Variants in ROCK1 observed in about 807,000 individuals in gnomAD.
The protein encoded by ROCK1 is Rho associated coiled-coil containing protein kinase 1.
A neutral mutation model predicts 196.8 loss-of-function variants in ROCK1; 36 were observed. The observed-to-expected ratio is 0.18, with a 90% CI of 0.14 to 0.24. The LOEUF (loss-of-function observed/expected upper bound fraction) is 0.24, where lower values mean the gene tolerates loss of function less well. ROCK1 is among the 10% of genes least tolerant of loss of function. ROCK1 has a pLI of 1.00. For synonymous variants in ROCK1, 443 were observed against 515.9 expected (o/e 0.86, Z 1.91); for missense variants, 920 against 1,562.0 (o/e 0.59, Z 6.93).
At chr18:21,041,915 AG>A (rs2036110434) in intron 8 of ROCK1, among the ~76,000 whole-genome samples, 181 bp downstream of exon 8, 1 of 152,000 alleles carries the variant, frequency 6.6e-6, no homozygotes, top group Non-Finnish European at 1.5e-5. Context: ...ACAATTTCTT[AG>A]GTATGATAAG....
chr18:20,979,840 A>C, intron 22 of ROCK1, 70 bp downstream of exon 22: 2 of 1,460,434 alleles, frequency 1.4e-6, no homozygotes, highest in Non-Finnish European at 1.8e-6. Context: ...TGGCACATCT[A>C]TTCACTAACT....
chr18:21,018,351 G>A (rs1484103543), intron 12 of ROCK1, among the ~76,000 whole-genome samples: 1 of 151,884 alleles, frequency 6.6e-6, no homozygotes, highest in African/African-American at 2.4e-5. Context: ...TCAACATGGT[G>A]AAATCCCGTC....
chr18:21,034,052 G>GA (rs935266559), intron 9 of ROCK1, among the ~76,000 whole-genome samples: 4 of 141,602 alleles, frequency 2.8e-5, no homozygotes, highest in African/African-American at 5.2e-5. Context: ...AAAAAAAAAT[G>GA]AAAAAAAAAG....
chr18:21,006,265 C>G (rs933501904), intron 16 of ROCK1, 86 bp downstream of exon 16: 22 of 1,003,044 alleles, frequency 2.2e-5, no homozygotes, highest in Non-Finnish European at 3.2e-5. Flanking sequence ...CATTTAATCC[C>G]ACTGAACTGT....
chr18:21,011,887 G>A (rs1442111413), intron 13 of ROCK1, among the ~76,000 whole-genome samples: 2 of 152,096 alleles, frequency 1.3e-5, no homozygotes, highest in African/African-American at 2.4e-5. Context: ...AAATAAAGAG[G>A]AGAAAAAAAT....
chr18:20,979,703 C>G (rs1355769299), intron 22 of ROCK1, among the ~76,000 whole-genome samples: 2 of 152,102 alleles, frequency 1.3e-5, no homozygotes, highest in Non-Finnish European at 2.9e-5. Context: ...TTTAATGAAT[C>G]TCTGCAATTG....
chr18:21,078,341 TACACACACACACAC>T (rs59499705), intron 1 of ROCK1, among the ~76,000 whole-genome samples: 17 of 128,850 alleles, frequency 1.3e-4, no homozygotes, highest in East Asian at 4.5e-4. Context: ...AACACCCACC[TACACACACACACAC>T]ACACACACAC....
intron 32 of ROCK1, among the ~76,000 whole-genome samples, chr18:20,952,406 T>TGAAC (rs1404638893): frequency 6.6e-6 from 1 of 150,866 alleles, no homozygotes; most frequent in African/African-American, 2.4e-5. Context: ...AATGAATGAA[T>TGAAC]GAATGAATGA....
intron 1 of ROCK1, among the ~76,000 whole-genome samples, chr18:21,105,232 GTCAGAGCCTAGA>G (rs2036693493): frequency 6.6e-6 from 1 of 152,176 alleles, no homozygotes; most frequent in African/African-American, 2.4e-5. Context: ...GCAAATACAT[GTCAGAGCCTAGA>G]TTTCAATCCA....
chr18:21,020,110 T>C lies in ROCK1; in HGVS notation c.1361+41A>G, dbSNP rs750750320. On this transcript the variant is annotated intron_variant, in intron 12 of 32. Coordinates refer to ENST00000399799, the MANE Select transcript of ROCK1 (RefSeq NM_005406.3). ...TAAGCTTTCAAGTAAGTATTTGGTA[T>C]ATAAAACTTTTAATATGAAAAACTT... The C allele has an allele frequency of 5.9e-6, 7 of 1,191,660 alleles. No homozygotes were observed. The Admixed American group carries it at 1.3e-4, about 23-fold the overall frequency. 73.8% of individuals were successfully genotyped at this position (1,191,660 alleles called of 1,614,324 possible). A position where few individuals can be genotyped will look rare whatever the true frequency, so the allele number is the denominator to read the frequency against.
At chr18:21,070,077 G>C (rs1297300395) in intron 2 of ROCK1, among the ~76,000 whole-genome samples, 1 of 149,058 alleles carries the variant, frequency 6.7e-6, no homozygotes, top group Non-Finnish European at 1.5e-5. Context: ...AATAAATAAA[G>C]TAAGGAGGAC....
At chr18:20,975,906 C>T (rs1434235499) in intron 22 of ROCK1, among the ~76,000 whole-genome samples, 2 of 152,182 alleles carry the variant, frequency 1.3e-5, no homozygotes, top group Non-Finnish European at 2.9e-5. Flanking sequence ...CCACCATGCC[C>T]GGCCAATATG....
chr18:21,011,701 T>C (rs545865181), intron 13 of ROCK1, among the ~76,000 whole-genome samples: 187 of 152,250 alleles, frequency 1.2e-3, no homozygotes, highest in Non-Finnish European at 1.9e-3. Flanking sequence ...AGCAATCCGC[T>C]GGCCTTGGCC....
intron 2 of ROCK1, 85 bp downstream of exon 2, chr18:21,070,447 A>G: frequency 1.5e-6 from 1 of 677,874 alleles, no homozygotes; most frequent in Non-Finnish European, 2.4e-6. Flanking sequence ...AAAAGTAAAT[A>G]GAAGAAAAAA....
chr18:21,062,315 A>G (rs1171896982), intron 2 of ROCK1, among the ~76,000 whole-genome samples: 2 of 152,244 alleles, frequency 1.3e-5, no homozygotes, highest in Non-Finnish European at 2.9e-5. Context: ...CAAAGAACAC[A>G]GGAGTAGGAG....
intron 22 of ROCK1, among the ~76,000 whole-genome samples, chr18:20,972,339 G>A (rs73431082): frequency 1.3e-5 from 2 of 152,102 alleles, no homozygotes; most frequent in Non-Finnish European, 2.9e-5. Flanking sequence ...CGCAAGGTCA[G>A]GGAATCAGGA....
At chr18:21,042,924 T>C (rs1160831741) in intron 6 of ROCK1, among the ~76,000 whole-genome samples, 1 of 152,154 alleles carries the variant, frequency 6.6e-6, no homozygotes, top group Non-Finnish European at 1.5e-5. Context: ...ATATAATGTA[T>C]GTATGTGTAT....
intron 2 of ROCK1, among the ~76,000 whole-genome samples, chr18:21,068,995 T>C (rs1253365781): frequency 6.6e-6 from 1 of 152,106 alleles, no homozygotes; most frequent in Non-Finnish European, 1.5e-5. Context: ...TCTAAGACAA[T>C]GTTAAATAAA....
At chr18:21,051,020 G>T (rs2036199690) in intron 2 of ROCK1, among the ~76,000 whole-genome samples, 1 of 152,176 alleles carries the variant, frequency 6.6e-6, no homozygotes, top group Admixed American at 6.5e-5. Flanking sequence ...AAGATAAACA[G>T]TTTTTTGAGT....
Sources: allele counts gnomAD v4.1 joint callset (sites outside exome capture counted in the v4.1 genomes callset), GRCh38; gene constraint gnomAD v4.1.1; transcripts MANE v1.5; gene names NCBI Gene and HGNC (gene_info 2026-07-23, HGNC 2026-07-21).